The following PUDP variants were observed in gnomAD, a reference collection of about 807,000 sequenced individuals.
PUDP encodes pseudouridine-5'-phosphatase.
A neutral mutation model predicts 9.4 loss-of-function variants in PUDP; 8 were observed. The ratio of observed to expected loss-of-function variants is 0.85; its 90% CI spans 0.50 to 1.53. The LOEUF (loss-of-function observed/expected upper bound fraction) is 1.53, where lower values mean the gene tolerates loss of function less well. Ranked by LOEUF, PUDP falls within the 40% of genes most tolerant of loss-of-function variation. The pLI is 0.00. For synonymous variants in PUDP, 99 were observed against 80.7 expected (o/e 1.23, Z -1.22); for missense variants, 188 against 189.7 (o/e 0.99, Z 0.05).
At chrX:6,846,252 A>C (rs1926745095) in intron 3 of PUDP, among the ~76,000 whole-genome samples, 1 of 109,775 alleles carries the variant, frequency 9.1e-6, no homozygotes, top group African/African-American at 3.3e-5. Flanking sequence ...AAACTACAAA[A>C]AAATTAGCCG....
intron 3 of PUDP, among the ~76,000 whole-genome samples, chrX:6,915,937 A>G (rs1927921860): frequency 9.0e-6 from 1 of 110,690 alleles, no homozygotes; most frequent in Non-Finnish European, 1.9e-5. Context: ...TTGTATAGAG[A>G]AGGAAACCGT....
chrX:6,905,186 T>C (rs199616107), intron 3 of PUDP, among the ~76,000 whole-genome samples: 1 of 111,596 alleles, frequency 9.0e-6, no homozygotes, highest in Admixed American at 9.6e-5. Context: ...CTTAGAAAAA[T>C]GTTGGATCTG....
At chrX:6,924,931 G>A (rs1343956825) in intron 3 of PUDP, among the ~76,000 whole-genome samples, 1 of 112,303 alleles carries the variant, frequency 8.9e-6, no homozygotes, top group Non-Finnish European at 1.9e-5. Flanking sequence ...ATGCTCGTGG[G>A]AAGACGAGCT....
At chrX:6,751,161 A>AAAAG (rs1224316322) in intron 3 of PUDP, among the ~76,000 whole-genome samples, 3 of 110,347 alleles carry the variant, frequency 2.7e-5, no homozygotes, top group Non-Finnish European at 3.8e-5. Context: ...AAAGAAAGAA[A>AAAAG]AAAGAAAGAA....
intron 3 of PUDP, among the ~76,000 whole-genome samples, chrX:6,760,268 C>G (rs1441754135): frequency 1.8e-5 from 2 of 111,687 alleles, no homozygotes; most frequent in African/African-American, 6.5e-5. Context: ...GGTTGAGCAT[C>G]AAGATTTGAT....
At chrX:6,912,111 C>T (rs897501450) in intron 3 of PUDP, among the ~76,000 whole-genome samples, 16 of 111,594 alleles carry the variant, frequency 1.4e-4, no homozygotes, top group Admixed American at 1.3e-3. Flanking sequence ...TTTTCCTAGA[C>T]GGTTCCTTTT....
intron 3 of PUDP, among the ~76,000 whole-genome samples, chrX:6,900,328 G>GGC (rs1569119664): frequency 1.6e-5 from 1 of 63,126 alleles, no homozygotes; most frequent in Non-Finnish European, 3.7e-5. Flanking sequence ...TCACCACTTG[G>GGC]GGGGGGGGGC....
At chrX:6,973,045 G>C (rs965203407) in intron 3 of PUDP, among the ~76,000 whole-genome samples, 1 of 112,149 alleles carries the variant, frequency 8.9e-6, no homozygotes, top group Non-Finnish European at 1.9e-5. Flanking sequence ...TGTGGGATCA[G>C]TGGTGATATC....
intron 3 of PUDP, among the ~76,000 whole-genome samples, chrX:6,802,612 G>A (rs775408969): frequency 4.8e-4 from 53 of 110,406 alleles, no homozygotes; most frequent in African/African-American, 1.5e-3. Flanking sequence ...GGCTGGGTGC[G>A]GTGGCTCACA....
chrX:6,773,058 T>C (rs1411287301), intron 3 of PUDP, among the ~76,000 whole-genome samples: 1 of 112,309 alleles, frequency 8.9e-6, no homozygotes, highest in East Asian at 2.8e-4. Flanking sequence ...TTAAAGTTTT[T>C]CTCAGACATT....
intron 3 of PUDP, among the ~76,000 whole-genome samples, chrX:6,852,402 G>GC (rs1926839072): frequency 1.8e-5 from 2 of 112,414 alleles, no homozygotes; most frequent in African/African-American, 6.5e-5. Context: ...TTGCAGGCTG[G>GC]CAGGGGTGTT....
intron 3 of PUDP, among the ~76,000 whole-genome samples, chrX:7,067,352 A>G (rs1051197893): frequency 9.0e-5 from 10 of 111,664 alleles, no homozygotes; most frequent in Non-Finnish European, 1.3e-4. Flanking sequence ...TGAACTAGAA[A>G]TCAACACTGC....
At chrX:7,103,271 A>C (rs1260759021) in intron 2 of PUDP, among the ~76,000 whole-genome samples, 1 of 112,107 alleles carries the variant, frequency 8.9e-6, no homozygotes, top group Non-Finnish European at 1.9e-5. Flanking sequence ...TTGTCAAACG[A>C]TCTTCAACGA....
At chrX:6,834,013 C>T (rs1042945531) in intron 3 of PUDP, among the ~76,000 whole-genome samples, 7 of 111,552 alleles carry the variant, frequency 6.3e-5, no homozygotes, top group African/African-American at 1.3e-4. Context: ...TATAATTGTA[C>T]ATTACATTTT....
At chrX:6,901,045 A>G (rs1450309692) in intron 3 of PUDP, among the ~76,000 whole-genome samples, 1 of 111,239 alleles carries the variant, frequency 9.0e-6, no homozygotes, top group East Asian at 2.8e-4. Flanking sequence ...AAAAGTGCTG[A>G]GACTACAGGC....
intron 3 of PUDP, among the ~76,000 whole-genome samples, chrX:6,973,168 T>C (rs1296067361): frequency 2.7e-5 from 3 of 111,898 alleles, no homozygotes; most frequent in Non-Finnish European, 5.6e-5. Flanking sequence ...GCTCCTGGAT[T>C]CATTGATTTT....
intron 3 of PUDP, among the ~76,000 whole-genome samples, chrX:7,063,276 A>C (rs1455764188): frequency 8.9e-6 from 1 of 112,248 alleles, no homozygotes; most frequent in Non-Finnish European, 1.9e-5. Context: ...CTAAAGAATG[A>C]GAAAAAATTA....
intron 3 of PUDP, among the ~76,000 whole-genome samples, chrX:6,906,543 G>A (rs1478528107): frequency 8.9e-6 from 1 of 112,161 alleles, no homozygotes; most frequent in African/African-American, 3.2e-5. Context: ...TACTGGCAGA[G>A]CGAAGATGCT....
At chrX:6,764,594 C>T (rs943188910) in intron 3 of PUDP, among the ~76,000 whole-genome samples, 3 of 111,987 alleles carry the variant, frequency 2.7e-5, no homozygotes, top group Non-Finnish European at 3.8e-5. Flanking sequence ...TTAAACAAGG[C>T]TAGTTGGACC....
Sources: allele counts gnomAD v4.1 joint callset (sites outside exome capture counted in the v4.1 genomes callset), GRCh38; gene constraint gnomAD v4.1.1; transcripts MANE v1.5; gene names NCBI Gene and HGNC (gene_info 2026-07-23, HGNC 2026-07-21).